The following UTP4 variants were observed in gnomAD, a reference collection of about 807,000 sequenced individuals.
The protein encoded by UTP4 is U3 small nucleolar RNA-associated protein 4 homolog.
Under a neutral mutation model 82.4 loss-of-function variants are expected in UTP4, and 45 were observed. The observed-to-expected ratio is 0.55, with a 90% CI of 0.43 to 0.70. The LOEUF (loss-of-function observed/expected upper bound fraction) is 0.70. Among genes scored for constraint, UTP4 ranks in the 30% least tolerant of loss-of-function variants. The pLI is 0.00. For missense variants in UTP4, 819 were observed against 858.3 expected, an observed-to-expected ratio of 0.95 and a Z score of 0.57; for synonymous variants, 348 against 300.3, an observed-to-expected ratio of 1.16 and a Z score of -1.64.
intron 14 of UTP4, among the ~76,000 whole-genome samples, chr16:69,164,482 T>C (rs986073924): frequency 7.3e-5 from 11 of 151,474 alleles, no homozygotes; most frequent in Admixed American, 7.2e-4. Context: ...CTCTCACACA[T>C]TGTGTAAATT....
chr16:69,150,457 G>A, intron 6 of UTP4, 80 bp from the exon 7 acceptor site: 1 of 1,509,680 alleles, frequency 6.6e-7, no homozygotes, highest in South Asian at 1.1e-5. Context: ...CTAAGCTGCT[G>A]AGACAGAAAG....
rs759972840 is a variant in UTP4, at chr16:69,157,078, C to T, written c.1288-6C>T. 22 of 1,614,086 alleles carry T rather than the reference C, an allele frequency of 1.4e-5. No individual in the cohort carries two copies. In the East Asian group the frequency reaches 1.6e-4, roughly 11 times the overall value. ...TCACTGGCTTTTATTATTGGTTCAC[C>T]CAAAGGTTTCCAAAATGCCAGCATT... On this transcript the variant is annotated splice_region_variant and splice_polypyrimidine_tract_variant and intron_variant, in intron 11 of 16. Coordinates refer to ENST00000314423, the MANE Select transcript of UTP4 (RefSeq NM_032830.3).
chr16:69,165,272 G>C, intron 14 of UTP4, 69 bp from the exon 15 acceptor site: 1 of 1,305,596 alleles, frequency 7.7e-7, no homozygotes, highest in Non-Finnish European at 1.1e-6. Flanking sequence ...TTTCTGGTTA[G>C]GGATGAGAAT....
At position 69,163,160 on chromosome 16, in the gene UTP4, C is replaced by G. The variant is rs554592005; in HGVS notation, c.1629C>G (p.Ile543Met). ...CCCCCAATACCAACAACCTTGTCAT[C>G]GCTCATTCGGACCAGCAGGTAAGGG... Reference protein sequence around the residue: ...AIAPNTNNLVIAHSDQQVFEY... With the variant: ...AIAPNTNNLVMAHSDQQVFEY... The change falls in exon 14 of 17, where the codon ATC (isoleucine) becomes ATG (methionine). Residue 543 changes from isoleucine (I) to methionine (M), a missense_variant. Transcript: ENST00000314423. 9 of 1,613,394 alleles carry G rather than the reference C, an allele frequency of 5.6e-6. No individual in the cohort carries two copies. The highest frequency in any genetic ancestry group is 1.7e-5 in the Admixed American group (1 of 59,994).
rs540145511 is a variant in UTP4, at chr16:69,144,286, C to T, written c.738+897C>T. 2.0e-5 allele frequency among the ~76,000 whole-genome samples: 3 copies of T among 152,186 alleles called. No individual in the cohort carries two copies. In the East Asian group the frequency reaches 5.8e-4, roughly 29 times the overall value. On this transcript the variant is annotated intron_variant, in intron 6 of 16. Transcript: ENST00000314423. ...GCACAATCTTGGCTCACTGCAACCT[C>T]TGCCTCCAGGGAGCAATTTCTCCTG...
chr16:69,156,347 G>A (rs1963414442), intron 11 of UTP4, among the ~76,000 whole-genome samples: 1 of 151,616 alleles, frequency 6.6e-6, no homozygotes, highest in South Asian at 2.1e-4. Context: ...TAGAGATGGA[G>A]TTTCACCACC....
At position 69,139,820 on chromosome 16, in the gene UTP4, C is replaced by T. The variant is rs1962912370; in HGVS notation, c.437-5C>T. The T allele has an allele frequency of 1.2e-6, 2 of 1,610,550 alleles. No individual in the cohort carries two copies. Among genetic ancestry groups the T allele is most frequent in the Non-Finnish European group, 1.7e-6 (2 of 1,176,984 alleles). On this transcript the variant is annotated splice_region_variant and splice_polypyrimidine_tract_variant and intron_variant, in intron 4 of 16. Coordinates refer to ENST00000314423, the MANE Select transcript of UTP4 (RefSeq NM_032830.3). ...ACTTTCTTTTTTTGTTGTCCAACTC[C>T]CAAGGTCGCATCCTGAGTCTCAGCT...
At position 69,165,438 on chromosome 16, in the gene UTP4, C is replaced by T; in HGVS notation, c.1745C>T (p.Pro582Leu). The change falls in exon 15 of 17, where the codon CCT (proline) becomes CTT (leucine). Residue 582 changes from proline (P) to leucine (L), a missense_variant. Coordinates refer to ENST00000314423, the MANE Select transcript of UTP4 (RefSeq NM_032830.3). ...CACCTTTGGCTCCAAAGGGATACTCCTATCACACACATCAGTTTTCATCCC... is the reference window on the plus strand; with the variant it reads ...CACCTTTGGCTCCAAAGGGATACTCTTATCACACACATCAGTTTTCATCCC... ...FHHLWLQRDT[P>L]ITHISFHPKR... The T allele has an allele frequency of 6.2e-7, 1 of 1,613,960 alleles. No homozygotes were observed. Among genetic ancestry groups the T allele is most frequent in the Non-Finnish European group, 8.5e-7 (1 of 1,179,862 alleles).
At chr16:69,151,599 C>T (rs1438369914) in intron 8 of UTP4, among the ~76,000 whole-genome samples, 7 of 150,686 alleles carry the variant, frequency 4.6e-5, no homozygotes, top group South Asian at 2.1e-4. Context: ...GGCTTACAGG[C>T]GTGAGCCACT....
chr16:69,152,566 T>A (rs773559898), intron 8 of UTP4, among the ~76,000 whole-genome samples: 1 of 148,082 alleles, frequency 6.8e-6, no homozygotes, highest in Non-Finnish European at 1.5e-5. Flanking sequence ...GTCTCCTGGG[T>A]TCAAGCGATT....
chr16:69,159,062 T>A (rs906973532), intron 12 of UTP4, among the ~76,000 whole-genome samples: 20 of 151,950 alleles, frequency 1.3e-4, no homozygotes, highest in Admixed American at 2.0e-4. Flanking sequence ...CTTTTTTTTT[T>A]ATTATTAATT....
intron 5 of UTP4, among the ~76,000 whole-genome samples, chr16:69,140,382 G>A (rs1962925685): frequency 6.6e-6 from 1 of 152,124 alleles, no homozygotes; most frequent in African/African-American, 2.4e-5. Context: ...ATCTCAACTT[G>A]TTAGGTGGAC....
intron 2 of UTP4, among the ~76,000 whole-genome samples, chr16:69,136,386 C>T (rs1340239060): frequency 6.6e-6 from 1 of 152,176 alleles, no homozygotes; most frequent in African/African-American, 2.4e-5. Flanking sequence ...TGCCACCACA[C>T]CCGGCTACTT....
intron 6 of UTP4, among the ~76,000 whole-genome samples, chr16:69,147,371 G>C (rs1048739456): frequency 6.6e-6 from 1 of 151,666 alleles, no homozygotes; most frequent in Non-Finnish European, 1.5e-5. Context: ...TGGGCGTGGC[G>C]GTATGCGCCT....
intron 16 of UTP4, 54 bp downstream of exon 16, chr16:69,167,239 A>C (rs1277221574): frequency 1.7e-6 from 2 of 1,162,170 alleles, no homozygotes; most frequent in African/African-American, 1.5e-5. Context: ...TGATACCAAA[A>C]TGTAATAAAC....
intron 3 of UTP4, 128 bp from the exon 4 acceptor site, chr16:69,137,673 C>A (rs913621525): frequency 7.5e-6 from 5 of 664,092 alleles, no homozygotes; most frequent in African/African-American, 7.3e-5. Flanking sequence ...TTCTTTTTCA[C>A]GGCAACTGAT....
chr16:69,158,603 A>G (rs922572841), intron 12 of UTP4, among the ~76,000 whole-genome samples: 10 of 152,152 alleles, frequency 6.6e-5, no homozygotes, highest in South Asian at 2.1e-4. Context: ...AACTTAGGCT[A>G]TTTATCTTAT....
chr16:69,166,233 G>C (rs1033581465), intron 15 of UTP4: 1 of 158,642 alleles, frequency 6.3e-6, no homozygotes, highest in Non-Finnish European at 1.4e-5. Flanking sequence ...ACCATCACAC[G>C]GTGTTTTGGT....
At chr16:69,148,711 G>A (rs1032004960) in intron 6 of UTP4, among the ~76,000 whole-genome samples, 2 of 150,120 alleles carry the variant, frequency 1.3e-5, no homozygotes, top group African/African-American at 2.5e-5. Flanking sequence ...TCCCAGGCTC[G>A]AGCAATCCTA....
Sources: gnomAD v4.1 joint callset for allele counts (sites outside exome capture counted in the v4.1 genomes callset) on GRCh38, gnomAD v4.1.1 for gene constraint, MANE v1.5 for transcripts, NCBI Gene and HGNC (gene_info 2026-07-23, HGNC 2026-07-21) for gene names.